Variants in RTTN observed in about 807,000 individuals in gnomAD.
RTTN encodes the protein rotatin.
In RTTN, 182 loss-of-function variants were observed where a neutral mutation model predicts 269.2. That is an observed-to-expected ratio of 0.68 (90% confidence interval 0.60 to 0.76). The LOEUF (loss-of-function observed/expected upper bound fraction) is 0.76. RTTN is among the 30% of genes least tolerant of loss of function. The pLI is 0.00. For synonymous variants in RTTN, 1,006 were observed against 963.5 expected (o/e 1.04, Z -0.82); for missense variants, 2,545 against 2,608.6 (o/e 0.98, Z 0.53).
chr18:70,145,410 T>G lies in RTTN; in HGVS notation c.2481+202A>C, dbSNP rs2060362821. On this transcript the variant is annotated intron_variant, in intron 18 of 48. Coordinates refer to ENST00000640769, the MANE Select transcript of RTTN (RefSeq NM_173630.4). ...ATTGTCCTGTGAAACTGGTCCCTAG[T>G]GCCAAAAAGGTTGGGACCACTGCAA... Among the ~76,000 whole-genome samples the G allele has an allele frequency of 2.0e-5, 3 of 152,164 alleles. No individual in the cohort carries two copies. In the South Asian group the frequency reaches 6.2e-4, roughly 32 times the overall value.
At chr18:70,117,998 A>G (rs937609169) in intron 26 of RTTN, among the ~76,000 whole-genome samples, 5 of 152,032 alleles carry the variant, frequency 3.3e-5, no homozygotes, top group Admixed American at 1.3e-4. Context: ...TCTAAGAAGG[A>G]CATACATAAC....
intron 11 of RTTN, among the ~76,000 whole-genome samples, chr18:70,170,628 G>C (rs1161473867): frequency 6.6e-6 from 1 of 152,234 alleles, no homozygotes; most frequent in Non-Finnish European, 1.5e-5. Flanking sequence ...AGTCAGAAAG[G>C]AGTGGTGGGC....
At position 70,176,735 on chromosome 18, in the gene RTTN, G is replaced by C; in HGVS notation, c.1416C>G (p.Ala472=). 1 of 1,614,032 alleles carries C rather than the reference G, an allele frequency of 6.2e-7. No individual in the cohort carries two copies. Among genetic ancestry groups the C allele is most frequent in the South Asian group, 1.1e-5 (1 of 91,050 alleles). The change falls in exon 11 of 49, where the codon GCC becomes GCG. Residue 472 remains alanine (A), a synonymous_variant. Coordinates refer to ENST00000640769, the MANE Select transcript of RTTN (RefSeq NM_173630.4). ...PEVMLVHHRM[A]FISISLFAVR... is the part of the protein sequence containing the mutation. ...CTGCAAACAGGGAAATGCTGATAAA[G>C]GCCATTCTGTGGTGCACAAGCATCA...
chr18:70,141,429 A>G (rs184314222), intron 19 of RTTN, among the ~76,000 whole-genome samples: 1 of 152,342 alleles, frequency 6.6e-6, no homozygotes. Flanking sequence ...TACACCATGG[A>G]ATACTATGCA....
chr18:70,068,742 A>T (rs563631240), intron 34 of RTTN, among the ~76,000 whole-genome samples: 2 of 152,300 alleles, frequency 1.3e-5, no homozygotes, highest in South Asian at 4.1e-4. Context: ...TGTATCTATC[A>T]CTTGCTCAAT....
chr18:70,121,299 T>A (rs910151854), intron 26 of RTTN, among the ~76,000 whole-genome samples: 2 of 152,088 alleles, frequency 1.3e-5, no homozygotes, highest in African/African-American at 4.8e-5. Context: ...AAAAATACAG[T>A]TGCAGCAGAA....
intron 45 of RTTN, among the ~76,000 whole-genome samples, chr18:70,018,826 CTTTTTTTTTTT>C (rs5825984): frequency 2.7e-4 from 13 of 48,958 alleles, no homozygotes; most frequent in Non-Finnish European, 4.5e-4. Flanking sequence ...GTGGGCACTC[CTTTTTTTTTTT>C]TTTTTTTTTT....
In RTTN at chr18:70,205,140, G is replaced by C. The variant is rs1447774690; in HGVS notation, c.207C>G (p.Ser69Arg). Reference protein sequence around the residue: ...PMKEEVLNLLSRLVKYPPAVQ... With the variant: ...PMKEEVLNLLRRLVKYPPAVQ... Reference sequence around the variant, plus strand: ...AAAATGACCCTACCTTAACCAATCTGCTTAACAGGTTCAGAACCTCTTCCT... The same window carrying C: ...AAAATGACCCTACCTTAACCAATCTCCTTAACAGGTTCAGAACCTCTTCCT... Residue 69 changes from serine (S) to arginine (R), a missense_variant, in exon 2 of 49, where the codon AGC becomes AGG. Transcript: ENST00000640769. 5 of 1,614,134 alleles carry C rather than the reference G, an allele frequency of 3.1e-6. No homozygotes were observed. The East Asian group carries it at 1.1e-4, about 36-fold the overall frequency.
At chr18:70,144,480 G>A (rs1229981531) in intron 18 of RTTN, among the ~76,000 whole-genome samples, 2 of 152,094 alleles carry the variant, frequency 1.3e-5, no homozygotes, top group Non-Finnish European at 2.9e-5. Context: ...AATCTGAGGT[G>A]GCAAAACCAG....
chr18:70,067,380 C>T (rs950377234), intron 34 of RTTN, among the ~76,000 whole-genome samples: 5 of 152,044 alleles, frequency 3.3e-5, no homozygotes, highest in African/African-American at 1.2e-4. Context: ...AGGATGGTCT[C>T]GATCTCCTGA....
At chr18:70,171,169 G>C (rs951702944) in intron 11 of RTTN, among the ~76,000 whole-genome samples, 7 of 152,172 alleles carry the variant, frequency 4.6e-5, no homozygotes, top group African/African-American at 1.7e-4. Context: ...CAAATAGATG[G>C]CATTTAACAA....
chr18:70,157,314 G>A (rs2060708390), intron 14 of RTTN, among the ~76,000 whole-genome samples: 2 of 152,178 alleles, frequency 1.3e-5, no homozygotes, highest in Admixed American at 1.3e-4. Context: ...GGCCTGTTCA[G>A]TGCACCCCCA....
chr18:70,080,930 A>ACT (rs2058549211), intron 32 of RTTN, among the ~76,000 whole-genome samples: 1 of 5,802 alleles, frequency 1.7e-4, no homozygotes, highest in African/African-American at 1.9e-4. Flanking sequence ...GTGTGGTATC[A>ACT]CACACACACA....
chr18:70,173,990 G>A, intron 11 of RTTN, among the ~76,000 whole-genome samples: 1 of 152,118 alleles, frequency 6.6e-6, no homozygotes, highest in East Asian at 1.9e-4. Flanking sequence ...AAGGAGTGTG[G>A]CTTGGAGAAG....
At chr18:70,090,254 T>TG (rs1258206428) in intron 30 of RTTN, among the ~76,000 whole-genome samples, 1 of 152,210 alleles carries the variant, frequency 6.6e-6, no homozygotes, top group African/African-American at 2.4e-5. Context: ...CCCCAGTAGA[T>TG]GCCTGAAACC....
intron 46 of RTTN, chr18:70,008,986 G>A (rs1264188976): frequency 1.3e-5 from 2 of 152,130 alleles, no homozygotes; most frequent in Admixed American, 1.3e-4. Context: ...TTGAAATGAA[G>A]GAAAAAATGT....
chr18:70,110,510 T>C (rs899408233), intron 27 of RTTN, among the ~76,000 whole-genome samples: 2 of 152,110 alleles, frequency 1.3e-5, no homozygotes, highest in Non-Finnish European at 2.9e-5. Flanking sequence ...AGACTGAGCC[T>C]GAGGAACTCC....
intron 35 of RTTN, among the ~76,000 whole-genome samples, chr18:70,061,882 A>C (rs2057997872): frequency 6.6e-6 from 1 of 152,202 alleles, no homozygotes; most frequent in Non-Finnish European, 1.5e-5. Flanking sequence ...AATATAATCC[A>C]ACACTCCAAA....
chr18:70,007,763 G>A (rs1156336989), intron 46 of RTTN: 1 of 152,310 alleles, frequency 6.6e-6, no homozygotes, highest in African/African-American at 2.4e-5. Flanking sequence ...CCAGTCAGGG[G>A]CTTATAGATA....
Sources: allele counts gnomAD v4.1 joint callset (sites outside exome capture counted in the v4.1 genomes callset), GRCh38; gene constraint gnomAD v4.1.1; transcripts MANE v1.5; gene names NCBI Gene and HGNC (gene_info 2026-07-23, HGNC 2026-07-21).